TLL2: variants seen among roughly 807,000 people sequenced by gnomAD.
TLL2 encodes tolloid like 2.
Under a neutral mutation model 123.0 loss-of-function variants are expected in TLL2, and 106 were observed. That is an observed-to-expected ratio of 0.86 (90% CI 0.74 to 1.01). The LOEUF (loss-of-function observed/expected upper bound fraction) is 1.01. Ranked by LOEUF, TLL2 falls within the 50% of genes least tolerant of loss-of-function variation. TLL2 has a pLI of 0.00. For synonymous variants in TLL2, 494 were observed against 516.8 expected (o/e 0.96, Z 0.60); for missense variants, 1,332 against 1,336.7 (o/e 1.00, Z 0.06).
intron 8 of TLL2, chr10:96,410,703 T>G (rs1846493533): frequency 1.6e-6 from 1 of 621,114 alleles, no homozygotes; most frequent in Admixed American, 2.1e-5. Context: ...CTCTCAGGAC[T>G]GAGCATGGCC....
chr10:96,413,451 C>T, intron 7 of TLL2, 135 bp from the exon 8 acceptor site: 1 of 1,142,826 alleles, frequency 8.8e-7, no homozygotes, highest in Non-Finnish European at 1.2e-6. Context: ...CCCAGGCTGG[C>T]ATGACTGAAG....
intron 16 of TLL2, among the ~76,000 whole-genome samples, chr10:96,382,185 G>A (rs1205349090): frequency 1.3e-5 from 2 of 152,066 alleles, no homozygotes; most frequent in Admixed American, 6.5e-5. Flanking sequence ...ATGCGCCAGC[G>A]CGCCCAGCTT....
intron 2 of TLL2, among the ~76,000 whole-genome samples, chr10:96,465,207 C>T (rs1042148165): frequency 4.1e-5 from 6 of 147,444 alleles, no homozygotes; most frequent in African/African-American, 1.2e-4. Flanking sequence ...GAGCAGTGAC[C>T]TTAACTTTAA....
chr10:96,420,976 G>A lies in TLL2; in HGVS notation c.903C>T (p.Tyr301=), dbSNP rs376990950. 5.3e-5 allele frequency: 85 copies of A among 1,613,930 alleles called. No individual in the cohort carries two copies. Among genetic ancestry groups the A allele is most frequent in the East Asian group, 2.2e-4 (10 of 44,890 alleles). The change falls in exon 7 of 21, where the codon TAC becomes TAT. Residue 301 remains tyrosine, a synonymous_variant. Coordinates refer to ENST00000357947, the MANE Select transcript of TLL2 (RefSeq NM_012465.4). The stretch of plus-strand genomic sequence containing the variant: ...CCGACCTTGAGAAGGTGTTCCGGGC[G>A]TAGTGCATGATGCTGTCAAAGTCGT... ...ETYDFDSIMH[Y]ARNTFSRGVF...
intron 2 of TLL2, among the ~76,000 whole-genome samples, chr10:96,469,200 C>T (rs1847155812): frequency 6.6e-6 from 1 of 152,234 alleles, no homozygotes; most frequent in Non-Finnish European, 1.5e-5. Flanking sequence ...TTGGACTCAA[C>T]ACACGAGAGT....
intron 3 of TLL2, among the ~76,000 whole-genome samples, chr10:96,437,782 G>A (rs1427341215): frequency 6.6e-6 from 1 of 152,130 alleles, no homozygotes; most frequent in African/African-American, 2.4e-5. Context: ...ATGAACCACA[G>A]TTTGTTTACC....
At chr10:96,495,241 G>A (rs1308385275) in intron 1 of TLL2, among the ~76,000 whole-genome samples, 2 of 152,128 alleles carry the variant, frequency 1.3e-5, no homozygotes, top group Non-Finnish European at 2.9e-5. Flanking sequence ...GCTGAGGTGG[G>A]GTGGAGGGGC....
At chr10:96,452,279 G>T (rs372229140) in intron 2 of TLL2, among the ~76,000 whole-genome samples, 5 of 152,216 alleles carry the variant, frequency 3.3e-5, no homozygotes, top group African/African-American at 9.6e-5. Context: ...TGAGCTAAGT[G>T]ATGAGAGATG....
At chr10:96,484,631 C>A (rs2134106380) in intron 1 of TLL2, among the ~76,000 whole-genome samples, 1 of 129,908 alleles carries the variant, frequency 7.7e-6, no homozygotes, top group African/African-American at 2.8e-5. Flanking sequence ...ACACACACAC[C>A]ATGGCTTTCT....
chr10:96,505,214 A>T (rs1265572231), intron 1 of TLL2, among the ~76,000 whole-genome samples: 2 of 152,146 alleles, frequency 1.3e-5, no homozygotes, highest in Middle Eastern at 3.2e-3. Context: ...GAATGCACAG[A>T]GGAAACAGCC....
At chr10:96,443,408 C>T (rs989049223) in intron 3 of TLL2, among the ~76,000 whole-genome samples, 3 of 152,116 alleles carry the variant, frequency 2.0e-5, no homozygotes, top group African/African-American at 7.2e-5. Context: ...TGAATGGTGA[C>T]AGTCTGCATG....
intron 18 of TLL2, 55 bp downstream of exon 18, chr10:96,376,637 C>T (rs1846139955): frequency 1.3e-6 from 2 of 1,586,244 alleles, no homozygotes; most frequent in Middle Eastern, 3.4e-4. Flanking sequence ...GACTCAAACG[C>T]ACATCTGCCT....
At chr10:96,411,125 C>T (rs1846501096) in intron 8 of TLL2, among the ~76,000 whole-genome samples, 1 of 151,876 alleles carries the variant, frequency 6.6e-6, no homozygotes, top group Non-Finnish European at 1.5e-5. Flanking sequence ...CACCTGTAAT[C>T]CCAGCTACTT....
intron 1 of TLL2, among the ~76,000 whole-genome samples, chr10:96,497,087 C>T (rs915196755): frequency 6.6e-6 from 1 of 151,648 alleles, no homozygotes; most frequent in Non-Finnish European, 1.5e-5. Context: ...TTAAAACTAG[C>T]CTGGGAAACA....
At chr10:96,410,878 G>A (rs1040370468) in intron 8 of TLL2, among the ~76,000 whole-genome samples, 9 of 152,148 alleles carry the variant, frequency 5.9e-5, no homozygotes, top group African/African-American at 1.7e-4. Flanking sequence ...TGCTTGGCAC[G>A]TAGTGAGTGC....
At chr10:96,493,140 A>G (rs1286353280) in intron 1 of TLL2, among the ~76,000 whole-genome samples, 1 of 152,118 alleles carries the variant, frequency 6.6e-6, no homozygotes, top group Non-Finnish European at 1.5e-5. Context: ...AGGACAGCAA[A>G]CCCGTGCAAT....
chr10:96,503,602 T>C (rs944395762), intron 1 of TLL2, among the ~76,000 whole-genome samples: 4 of 152,174 alleles, frequency 2.6e-5, no homozygotes, highest in Non-Finnish European at 5.9e-5. Context: ...CTTCTCCCTG[T>C]GGAGGTGAGG....
chr10:96,397,439 A>G (rs929365468), intron 10 of TLL2, 137 bp from the exon 11 acceptor site: 3 of 567,756 alleles, frequency 5.3e-6, no homozygotes, highest in Non-Finnish European at 9.4e-6. Context: ...CTTATCCTGT[A>G]GCACACACAG....
chr10:96,390,032 A>AGAGGCCAAGGCC (rs1846271276), intron 13 of TLL2, among the ~76,000 whole-genome samples: 2 of 152,268 alleles, frequency 1.3e-5, no homozygotes, highest in South Asian at 4.1e-4. Flanking sequence ...TCTGGGCTGC[A>AGAGGCCAAGGCC]GAGGCCAAGG....
Sources: gnomAD v4.1 joint callset for allele counts (sites outside exome capture counted in the v4.1 genomes callset) on GRCh38, gnomAD v4.1.1 for gene constraint, MANE v1.5 for transcripts, NCBI Gene and HGNC (gene_info 2026-07-23, HGNC 2026-07-21) for gene names.